The following DRD3 variants were observed in gnomAD, a reference collection of about 807,000 sequenced individuals.
DRD3 encodes the protein D(3) dopamine receptor.
In DRD3, 19 loss-of-function variants were observed where a neutral mutation model predicts 36.3. That is an observed-to-expected ratio of 0.52 (90% CI 0.36 to 0.77). DRD3 has a LOEUF of 0.77. Among genes scored for constraint, DRD3 ranks in the 30% least tolerant of loss-of-function variants. The probability of loss-of-function intolerance (pLI) is 0.00; values close to 1 mark genes in which losing one functional copy is unlikely to be tolerated. For missense variants in DRD3, 465 were observed against 505.3 expected, an observed-to-expected ratio of 0.92 and a Z score of 0.77; for synonymous variants, 195 against 203.7, an observed-to-expected ratio of 0.96 and a Z score of 0.36.
At chr3:114,196,410 G>T (rs1404823678) in intron 1 of DRD3, among the ~76,000 whole-genome samples, 1 of 152,100 alleles carries the variant, frequency 6.6e-6, no homozygotes, top group African/African-American at 2.4e-5. Context: ...CAGTTCCTGG[G>T]CTCAAACAAT....
intron 1 of DRD3, among the ~76,000 whole-genome samples, chr3:114,175,082 G>A (rs1175705600): frequency 5.3e-5 from 8 of 151,942 alleles, no homozygotes; most frequent in Non-Finnish European, 1.2e-4. Context: ...CATTGTGGGG[G>A]GTTTAACAGC....
chr3:114,188,150 A>C (rs764956086), intron 1 of DRD3, among the ~76,000 whole-genome samples: 6 of 152,140 alleles, frequency 3.9e-5, no homozygotes, highest in Non-Finnish European at 7.4e-5. Flanking sequence ...TCTCACATAA[A>C]AAATCCAGAG....
chr3:114,170,145 G>C (rs2077825440), intron 2 of DRD3, among the ~76,000 whole-genome samples: 1 of 152,158 alleles, frequency 6.6e-6, no homozygotes, highest in Non-Finnish European at 1.5e-5. Context: ...AATATCACAT[G>C]CTTCGAAATT....
chr3:114,194,111 A>G (rs2078025047), intron 1 of DRD3, among the ~76,000 whole-genome samples: 1 of 152,230 alleles, frequency 6.6e-6, no homozygotes, highest in Non-Finnish European at 1.5e-5. Context: ...CTATGATGGC[A>G]TATCCTAAAT....
intron 1 of DRD3, among the ~76,000 whole-genome samples, chr3:114,173,635 G>C (rs1303382003): frequency 6.6e-6 from 1 of 152,170 alleles, no homozygotes; most frequent in Non-Finnish European, 1.5e-5. Context: ...GATTAGGGGT[G>C]GGGGCCCAGC....
At chr3:114,190,110 C>A (rs1481243536) in intron 1 of DRD3, among the ~76,000 whole-genome samples, 1 of 151,978 alleles carries the variant, frequency 6.6e-6, no homozygotes, top group Non-Finnish European at 1.5e-5. Flanking sequence ...AGCTCTTTTA[C>A]ATACTTTAGA....
intron 4 of DRD3, among the ~76,000 whole-genome samples, chr3:114,146,312 T>C (rs2107845671): frequency 6.6e-6 from 1 of 152,192 alleles, no homozygotes; most frequent in Non-Finnish European, 1.5e-5. Flanking sequence ...AAATAAGAAA[T>C]CCAGATGACC....
Position 114,129,109 on chromosome 3 carries a change from G to A in DRD3, c.1007-197C>T, listed in dbSNP as rs111478227. ...TGTAATCTCAACACTTTGGGAGGCC[G>A]AGGCGGGTGGATCACCTGAGGTCAG... On this transcript the variant is annotated intron_variant, in intron 6 of 6. Coordinates refer to ENST00000383673, the MANE Select transcript of DRD3 (RefSeq NM_000796.6). Among the ~76,000 whole-genome samples the A allele has an allele frequency of 7.5e-3, 1,134 of 152,168 alleles. 13 individuals are homozygous for A. Among genetic ancestry groups the A allele is most frequent in the African/African-American group, 0.026 (1,071 of 41,516 alleles).
At chr3:114,196,769 A>G (rs767213010) in intron 1 of DRD3, among the ~76,000 whole-genome samples, 12 of 152,092 alleles carry the variant, frequency 7.9e-5, no homozygotes, top group Non-Finnish European at 1.3e-4. Flanking sequence ...TACCATCTCC[A>G]TATCTTTGTG....
rs756743581 is a variant in DRD3, at chr3:114,171,757, G to C, written c.236C>G (p.Ala79Gly). 7.4e-6 allele frequency: 12 copies of C among 1,611,624 alleles called. No individual in the cohort carries two copies. The highest frequency in any genetic ancestry group is 1.0e-5 in the Non-Finnish European group (12 of 1,178,772). ...TACCACCCAGGGCATCACCAAGGTG[G>C]CCACCAGCAAGTCTGCCACAGCCAG... ...VSLAVADLLV[A>G]TLVMPWVVYL... Residue 79 changes from alanine to glycine, a missense_variant, in exon 2 of 7, where the codon GCC (alanine) becomes GGC (glycine). Coordinates refer to ENST00000383673, the MANE Select transcript of DRD3 (RefSeq NM_000796.6).
chr3:114,188,063 T>A (rs942867944), intron 1 of DRD3, among the ~76,000 whole-genome samples: 6 of 152,126 alleles, frequency 3.9e-5, no homozygotes, highest in African/African-American at 1.4e-4. Flanking sequence ...GAGAATCAAG[T>A]TTATTATTTC....
chr3:114,134,380 G>A (rs985415907), intron 5 of DRD3, among the ~76,000 whole-genome samples: 1 of 151,922 alleles, frequency 6.6e-6, no homozygotes, highest in African/African-American at 2.4e-5. Context: ...TTACAGGTGT[G>A]AGCCAACATG....
intron 6 of DRD3, among the ~76,000 whole-genome samples, chr3:114,130,640 G>A (rs1403747169): frequency 6.6e-6 from 1 of 152,082 alleles, no homozygotes; most frequent in African/African-American, 2.4e-5. Context: ...AGCCAGGATG[G>A]TCTCGATCTC....
chr3:114,139,433 C>T (rs1471223168), intron 5 of DRD3, 67 bp downstream of exon 5: 10 of 1,517,692 alleles, frequency 6.6e-6, no homozygotes, highest in Non-Finnish European at 9.0e-6. Context: ...TCATGCACTG[C>T]TGGACACAGG....
At chr3:114,142,488 A>G (rs1429972152) in intron 4 of DRD3, among the ~76,000 whole-genome samples, 1 of 152,196 alleles carries the variant, frequency 6.6e-6, no homozygotes, top group African/African-American at 2.4e-5. Flanking sequence ...TCAGGGTCAG[A>G]TAGGGGTATG....
At chr3:114,175,750 G>A (rs2077892343) in intron 1 of DRD3, among the ~76,000 whole-genome samples, 1 of 152,176 alleles carries the variant, frequency 6.6e-6, no homozygotes, top group African/African-American at 2.4e-5. Context: ...TTAGCCACTG[G>A]CATTCAGCTA....
Position 114,127,886 on chromosome 3 carries a change from A to C in DRD3, c.*830T>G, listed in dbSNP as rs2077393366. Among the ~76,000 whole-genome samples the C allele has an allele frequency of 6.6e-6, 1 of 152,192 alleles. No individual in the cohort carries two copies. The highest frequency in any genetic ancestry group is 2.4e-5 in the African/African-American group (1 of 41,446). ...CAGAAATGGAGATGCCCTGGGTAGG[A>C]AAATTTGGTAGTGTTATGAAAAGCA... On this transcript the variant is annotated 3_prime_UTR_variant, in exon 7 of 7. Coordinates refer to ENST00000383673, the MANE Select transcript of DRD3 (RefSeq NM_000796.6).
At chr3:114,136,569 T>C (rs1456397747) in intron 5 of DRD3, among the ~76,000 whole-genome samples, 1 of 152,206 alleles carries the variant, frequency 6.6e-6, no homozygotes, top group Non-Finnish European at 1.5e-5. Flanking sequence ...CCTTAGACCT[T>C]GGATCAGCCA....
At chr3:114,186,584 G>T (rs1032669697) in intron 1 of DRD3, among the ~76,000 whole-genome samples, 2 of 152,314 alleles carry the variant, frequency 1.3e-5, no homozygotes, top group East Asian at 1.9e-4. Context: ...GGAGGACAAG[G>T]TTCTTTTTGC....
Sources: allele counts gnomAD v4.1 joint callset (sites outside exome capture counted in the v4.1 genomes callset), GRCh38; gene constraint gnomAD v4.1.1; transcripts MANE v1.5; gene names NCBI Gene and HGNC (gene_info 2026-07-23, HGNC 2026-07-21).